Variants in KCNQ3 observed in about 807,000 individuals in gnomAD.
KCNQ3 encodes potassium voltage-gated channel subfamily Q member 3.
A neutral mutation model predicts 92.5 loss-of-function variants in KCNQ3; 30 were observed. That is an observed-to-expected ratio of 0.32 (90% CI 0.24 to 0.44). KCNQ3 has a LOEUF of 0.44. Among genes scored for constraint, KCNQ3 ranks in the 20% least tolerant of loss-of-function variants. The pLI is 1.00. For synonymous variants in KCNQ3, 450 were observed against 468.8 expected, an observed-to-expected ratio of 0.96 and a Z score of 0.52; for missense variants, 913 against 1,140.3, an observed-to-expected ratio of 0.80 and a Z score of 2.87.
intron 1 of KCNQ3, among the ~76,000 whole-genome samples, chr8:132,417,942 G>A (rs986114813): frequency 2.0e-5 from 3 of 152,174 alleles, no homozygotes; most frequent in Non-Finnish European, 4.4e-5. Context: ...GCAGAGTGAG[G>A]ATGGCTTCAA....
intron 9 of KCNQ3, among the ~76,000 whole-genome samples, chr8:132,154,500 GTCTTCA>G (rs1406304988): frequency 3.3e-5 from 5 of 152,038 alleles, no homozygotes; most frequent in Non-Finnish European, 7.4e-5. Flanking sequence ...GTTAAGATCT[GTCTTCA>G]TCCTTATCCT....
intron 1 of KCNQ3, among the ~76,000 whole-genome samples, chr8:132,250,284 A>G (rs2130437861): frequency 6.6e-6 from 1 of 152,344 alleles, no homozygotes; most frequent in Admixed American, 6.5e-5. Flanking sequence ...AAGCAGAGCC[A>G]AGGGACAAGG....
chr8:132,406,099 T>A (rs1820471190), intron 1 of KCNQ3, among the ~76,000 whole-genome samples: 1 of 152,212 alleles, frequency 6.6e-6, no homozygotes. Context: ...TCCAATTTCA[T>A]AAGGCCATGG....
chr8:132,273,365 G>T (rs1015278127), intron 1 of KCNQ3, among the ~76,000 whole-genome samples: 2 of 152,194 alleles, frequency 1.3e-5, no homozygotes, highest in Non-Finnish European at 2.9e-5. Context: ...GCTGTACCTT[G>T]GCCCCTTTTA....
chr8:132,414,165 A>G (rs1216589006), intron 1 of KCNQ3, among the ~76,000 whole-genome samples: 1 of 152,220 alleles, frequency 6.6e-6, no homozygotes. Context: ...CATTTTCACA[A>G]TAGCCCCTCG....
chr8:132,278,925 G>A (rs920172179), intron 1 of KCNQ3, among the ~76,000 whole-genome samples: 1 of 152,082 alleles, frequency 6.6e-6, no homozygotes, highest in Non-Finnish European at 1.5e-5. Flanking sequence ...TCATAAAAAA[G>A]TGCACATCCG....
intron 1 of KCNQ3, among the ~76,000 whole-genome samples, chr8:132,469,736 C>A (rs919648337): frequency 6.6e-6 from 1 of 151,992 alleles, no homozygotes; most frequent in African/African-American, 2.4e-5. Context: ...ACCATAGGAT[C>A]ACAACCAAGT....
intron 1 of KCNQ3, among the ~76,000 whole-genome samples, chr8:132,355,411 G>C (rs1040770289): frequency 6.6e-6 from 1 of 151,952 alleles, no homozygotes; most frequent in Non-Finnish European, 1.5e-5. Context: ...TCTGTCCAGG[G>C]AGAGGCCCCT....
At chr8:132,280,534 G>A (rs910856670) in intron 1 of KCNQ3, among the ~76,000 whole-genome samples, 10 of 152,104 alleles carry the variant, frequency 6.6e-5, no homozygotes, top group African/African-American at 1.7e-4. Context: ...AAGCCATGAC[G>A]GATCTGCCTC....
intron 1 of KCNQ3, among the ~76,000 whole-genome samples, chr8:132,275,818 C>T (rs1816310596): frequency 6.6e-6 from 1 of 152,160 alleles, no homozygotes; most frequent in Non-Finnish European, 1.5e-5. Context: ...ACCTCGTGAT[C>T]CGCCCACCTC....
At chr8:132,249,616 G>T (rs1298493327) in intron 1 of KCNQ3, among the ~76,000 whole-genome samples, 2 of 152,228 alleles carry the variant, frequency 1.3e-5, no homozygotes, top group African/African-American at 4.8e-5. Flanking sequence ...CTGCACCGGG[G>T]CCACAGGCTG....
intron 9 of KCNQ3, among the ~76,000 whole-genome samples, chr8:132,155,335 A>C (rs1167225421): frequency 6.6e-6 from 1 of 152,212 alleles, no homozygotes; most frequent in African/African-American, 2.4e-5. Context: ...GCAAGGAGAA[A>C]AGTGTTGCAA....
chr8:132,357,384 CAT>C (rs1023683083), intron 1 of KCNQ3, among the ~76,000 whole-genome samples: 1 of 152,208 alleles, frequency 6.6e-6, no homozygotes, highest in African/African-American at 2.4e-5. Flanking sequence ...CCTGAGACCA[CAT>C]GAGATACTGA....
chr8:132,380,004 TATAG>T (rs1210643498), intron 1 of KCNQ3, among the ~76,000 whole-genome samples: 3 of 152,090 alleles, frequency 2.0e-5, no homozygotes, highest in South Asian at 4.1e-4. Context: ...TACCACAATG[TATAG>T]ATATACAACC....
intron 1 of KCNQ3, among the ~76,000 whole-genome samples, chr8:132,214,435 T>C (rs1813961025): frequency 6.6e-6 from 1 of 152,178 alleles, no homozygotes; most frequent in African/African-American, 2.4e-5. Context: ...AAATAAATCT[T>C]AGGTACAAGT....
chr8:132,372,993 C>T (rs886580321), intron 1 of KCNQ3, among the ~76,000 whole-genome samples: 10 of 152,184 alleles, frequency 6.6e-5, no homozygotes, highest in Admixed American at 2.6e-4. Flanking sequence ...AACAGAAACA[C>T]GACCAGAGAT....
intron 1 of KCNQ3, among the ~76,000 whole-genome samples, chr8:132,459,100 A>G (rs1364243112): frequency 6.6e-6 from 1 of 152,140 alleles, no homozygotes; most frequent in Non-Finnish European, 1.5e-5. Flanking sequence ...ATTTTGTGGA[A>G]TGTTCCTTGG....
intron 1 of KCNQ3, among the ~76,000 whole-genome samples, chr8:132,444,788 C>T (rs1821631966): frequency 6.6e-6 from 1 of 152,170 alleles, no homozygotes; most frequent in African/African-American, 2.4e-5. Flanking sequence ...CTGAATCAGG[C>T]ATGGGACTCT....
At chr8:132,249,212 A>G (rs1238156494) in intron 1 of KCNQ3, among the ~76,000 whole-genome samples, 1 of 152,194 alleles carries the variant, frequency 6.6e-6, no homozygotes, top group Non-Finnish European at 1.5e-5. Flanking sequence ...AAGGGGACCC[A>G]AGCAGGTTGC....
Sources: gnomAD v4.1 joint callset for allele counts (sites outside exome capture counted in the v4.1 genomes callset) on GRCh38, gnomAD v4.1.1 for gene constraint, MANE v1.5 for transcripts, NCBI Gene and HGNC (gene_info 2026-07-23, HGNC 2026-07-21) for gene names.